CCR6: variants seen among roughly 807,000 people sequenced by gnomAD.
CCR6 encodes the protein C-C chemokine receptor type 6.
Under a neutral mutation model 3.0 loss-of-function variants are expected in CCR6, and 2 were observed. The ratio of observed to expected loss-of-function variants is 0.66; its 90% CI spans 0.27 to 2.07. The LOEUF is 2.07. CCR6 is among the 30% of genes most tolerant of loss of function. The pLI is 0.14. For missense variants in CCR6, 322 were observed against 462.8 expected (o/e 0.70, Z 2.79); for synonymous variants, 193 against 184.3 (o/e 1.05, Z -0.38).
In CCR6 at chr6:167,136,280, A is replaced by G. The variant is rs1781848737; in HGVS notation, c.50A>G (p.Asp17Gly). 6.2e-7 allele frequency: 1 copy of G among 1,609,546 alleles called. No individual in the cohort carries two copies. The highest frequency in any genetic ancestry group is 1.3e-5 in the African/African-American group (1 of 74,846). The change falls in exon 3 of 3, where the codon GAT becomes GGT. Residue 17 changes from aspartate (D) to glycine (G), a missense_variant. By Grantham distance (94) the Asp-to-Gly change is moderately conservative. Transcript: ENST00000341935. This position sits in a 1 kb window ranked among gnomAD's most constrained non-coding sequence, Gnocchi z 4.6. ...AGCGATGTTTTCGACTCCAGTGAAG[A>G]TTATTTTGTGTCAGTCAATACTTCA... is the stretch of plus-strand genomic sequence containing the variant. ...NFSDVFDSSEDYFVSVNTSYY... is the reference protein window; with the variant it reads ...NFSDVFDSSEGYFVSVNTSYY...
At chr6:167,118,057 A>G (rs1280209333), upstream of CCR6, among the ~76,000 whole-genome samples, 2 of 151,844 alleles carry the variant, frequency 1.3e-5, no homozygotes, top group African/African-American at 4.8e-5. Context: ...TGCTTTGTAA[A>G]CATGAGCCCA....
At chr6:167,129,359 C>G (rs1032336403) in intron 1 of CCR6, 1 of 152,404 alleles carries the variant, frequency 6.6e-6, no homozygotes, top group African/African-American at 2.4e-5. Context: ...ACCAAACCCA[C>G]GCTGACCCCC....
At chr6:167,130,872 C>A (rs1781742086) in intron 1 of CCR6, among the ~76,000 whole-genome samples, 3 of 148,588 alleles carry the variant, frequency 2.0e-5, no homozygotes, top group East Asian at 3.9e-4. Flanking sequence ...CTGCCGGGAA[C>A]TTCCTGCCCT....
intron 1 of CCR6, chr6:167,116,720 G>A (rs1283894602): frequency 5.3e-5 from 8 of 152,314 alleles, no homozygotes; most frequent in Non-Finnish European, 7.3e-5. Flanking sequence ...CCCTAGCAGA[G>A]AGGCACCCAG....
chr6:167,130,996 C>CCTTCTGGGACCCCT (rs1781752895), intron 1 of CCR6, among the ~76,000 whole-genome samples: 2 of 141,174 alleles, frequency 1.4e-5, no homozygotes. Flanking sequence ...TGGACCCCCT[C>CCTTCTGGGACCCCT]CCTTTGGGAC....
At chr6:167,125,652 G>A (rs1187013253) in intron 1 of CCR6, among the ~76,000 whole-genome samples, 1 of 152,178 alleles carries the variant, frequency 6.6e-6, no homozygotes. Context: ...AACTGAACAC[G>A]GCCTTAAATC....
Position 167,137,171 on chromosome 6 carries a change from T to C in CCR6, c.941T>C (p.Val314Ala). ...TTCCTGCACTGCTGCCTGAACCCTGTGCTCTACGCTTTTATTGGGCAGAAG... is the reference window on the plus strand; with the variant it reads ...TTCCTGCACTGCTGCCTGAACCCTGCGCTCTACGCTTTTATTGGGCAGAAG... ...LAFLHCCLNP[V>A]LYAFIGQKFR... The change falls in exon 3 of 3, where the codon GTG becomes GCG. Residue 314 changes from valine to alanine, a missense_variant. Coordinates refer to ENST00000341935, the MANE Select transcript of CCR6 (RefSeq NM_031409.4). This position sits in a 1 kb window ranked among gnomAD's most constrained non-coding sequence, Gnocchi z 4.6. The C allele has an allele frequency of 1.2e-6, 2 of 1,614,236 alleles. No individual in the cohort carries two copies. The highest frequency in any genetic ancestry group is 2.2e-5 in the East Asian group (1 of 44,878).
In CCR6 at chr6:167,123,179, G is replaced by A. The variant is rs888929332; in HGVS notation, c.-142G>A. 1 of 152,730 alleles carries A rather than the reference G, an allele frequency of 6.5e-6. No homozygotes were observed. Among genetic ancestry groups the A allele is most frequent in the African/African-American group, 2.4e-5 (1 of 41,428 alleles). 9.5% of individuals were successfully genotyped at this position (152,730 alleles called of 1,614,324 possible). ...GTGAGCTGGAGTCATCAGATTGTGG[G>A]GCCCGGAGTGAGGCTGAAGGGAGTG... is the stretch of plus-strand genomic sequence containing the variant. On this transcript the variant is annotated 5_prime_UTR_variant, in exon 1 of 3. Coordinates refer to ENST00000341935, the MANE Select transcript of CCR6 (RefSeq NM_031409.4).
At chr6:167,114,627 C>T (rs942531582) in intron 1 of CCR6, among the ~76,000 whole-genome samples, 1 of 152,256 alleles carries the variant, frequency 6.6e-6, no homozygotes, top group Non-Finnish European at 1.5e-5. Context: ...GCAGAGCCCC[C>T]TGGCCGAGGC....
chr6:167,119,831 G>T (rs1428780426), upstream of CCR6, among the ~76,000 whole-genome samples: 1 of 152,170 alleles, frequency 6.6e-6, no homozygotes, highest in Non-Finnish European at 1.5e-5. Context: ...GCTGGGCTCG[G>T]TAGTCTATGT....
At chr6:167,122,185 C>T (rs575471373), upstream of CCR6, among the ~76,000 whole-genome samples, 1 of 152,252 alleles carries the variant, frequency 6.6e-6, no homozygotes, top group East Asian at 1.9e-4. The surrounding 1 kb of genome is among the most constrained non-coding windows in gnomAD (Gnocchi z 4.2). Context: ...AGGCACAGTG[C>T]ACTGGGAAGT....
intron 1 of CCR6, chr6:167,126,740 C>G (rs1781674405): frequency 6.6e-6 from 1 of 152,246 alleles, no homozygotes; most frequent in African/African-American, 2.4e-5. Context: ...TCCCATAATC[C>G]CCACGTGTGG....
At chr6:167,134,950 G>A (rs1692205756) in intron 1 of CCR6, 1 of 152,242 alleles carries the variant, frequency 6.6e-6, no homozygotes, top group Non-Finnish European at 1.5e-5. Context: ...TCAGATGGTG[G>A]ATTTCAAAGC....
chr6:167,133,932 G>GTGTGTATATATATATA lies in CCR6; in HGVS notation c.-97-2105_-97-2104insGTGTATATATATATAT, dbSNP rs1183741225. On this transcript the variant is annotated intron_variant, in intron 1 of 2. Coordinates refer to ENST00000341935, the MANE Select transcript of CCR6 (RefSeq NM_031409.4). ...ATACTATTATATATGATATATGTGT[G>GTGTGTATATATATATA]TATATATATATATATATATATATAT... is the stretch of plus-strand genomic sequence containing the variant. Among the ~76,000 whole-genome samples, 112 of 110,390 alleles carry GTGTGTATATATATATA rather than the reference G, an allele frequency of 1.0e-3. 3 individuals carry two copies. Among genetic ancestry groups the GTGTGTATATATATATA allele is most frequent in the Middle Eastern group, 5.2e-3 (1 of 194 alleles). 72.4% of individuals were successfully genotyped at this position (110,390 alleles called of 152,430 possible).
upstream of CCR6, chr6:167,122,697 G>A (rs576730492): frequency 3.3e-5 from 5 of 152,404 alleles, no homozygotes; most frequent in African/African-American, 1.2e-4. The surrounding 1 kb of genome is among the most constrained non-coding windows in gnomAD (Gnocchi z 4.2). Context: ...CACAGCTTTC[G>A]GGGTGGGGCC....
At position 167,137,077 on chromosome 6, in the gene CCR6, A is replaced by G; in HGVS notation, c.847A>G (p.Lys283Glu). Residue 283 changes from lysine to glutamate, a missense_variant, in exon 3 of 3, where the codon AAA (lysine) becomes GAA (glutamate). Coordinates refer to ENST00000341935, the MANE Select transcript of CCR6 (RefSeq NM_031409.4). This position sits in a 1 kb window ranked among gnomAD's most constrained non-coding sequence, Gnocchi z 4.6. ...GCTTGTGACGGCTGCAAATTTGGGT[A>G]AAATGAACCGATCCTGCCAGAGCGA... is the stretch of plus-strand genomic sequence containing the variant. ...VLLVTAANLG[K>E]MNRSCQSEKL... The G allele has an allele frequency of 6.2e-7, 1 of 1,614,202 alleles. No individual in the cohort carries two copies.
Position 167,136,795 on chromosome 6 carries a change from T to A in CCR6, c.565T>A (p.Tyr189Asn). Residue 189 changes from tyrosine to asparagine, a missense_variant, in exon 3 of 3, where the codon TAC becomes AAC. By Grantham distance (143) the Tyr-to-Asn change is moderately radical (BLOSUM62 -2). Coordinates refer to ENST00000341935, the MANE Select transcript of CCR6 (RefSeq NM_031409.4). The surrounding 1 kb of genome is among the most constrained non-coding windows in gnomAD (Gnocchi z 4.6). ...SSSTFVFNQK[Y>N]NTQGSDVCEP... ...CTCAACTTTTGTCTTCAACCAAAAA[T>A]ACAACACCCAAGGCAGCGATGTCTG... The A allele has an allele frequency of 3.7e-6, 6 of 1,614,002 alleles. No homozygotes were observed. Among genetic ancestry groups the A allele is most frequent in the Non-Finnish European group, 4.2e-6 (5 of 1,180,042 alleles).
At chr6:167,133,932 G>GTGTGTGTATATATATATATATATATATA (rs1183741225) in intron 1 of CCR6, among the ~76,000 whole-genome samples, 1 of 110,396 alleles carries the variant, frequency 9.1e-6, no homozygotes, top group Non-Finnish European at 1.7e-5. Flanking sequence ...ATATATGTGT[G>GTGTGTGTATATATATATATATATATATA]TATATATATA....
At chr6:167,115,487 G>A (rs1158663578) in intron 1 of CCR6, 1 of 152,158 alleles carries the variant, frequency 6.6e-6, no homozygotes, top group Non-Finnish European at 1.5e-5. Flanking sequence ...CACATTCCTG[G>A]TGTTTAAGCA....
Sources: allele counts gnomAD v4.1 joint callset (sites outside exome capture counted in the v4.1 genomes callset), GRCh38; gene constraint gnomAD v4.1.1; non-coding constraint Gnocchi (gnomAD v3.1); transcripts MANE v1.5; gene names NCBI Gene and HGNC (gene_info 2026-07-23, HGNC 2026-07-21).